RNLS: variants seen among roughly 807,000 people sequenced by gnomAD.
RNLS encodes the protein renalase, FAD dependent amine oxidase, also known as renalase.
Under a neutral mutation model 39.8 loss-of-function variants are expected in RNLS, and 39 were observed. The observed-to-expected ratio is 0.98, with a 90% confidence interval of 0.76 to 1.28. The LOEUF is 1.28. Ranked by LOEUF, RNLS falls within the 50% of genes most tolerant of loss-of-function variation. The pLI is 0.00. For missense variants in RNLS, 410 were observed against 413.3 expected (o/e 0.99, Z 0.07); for synonymous variants, 147 against 150.7 (o/e 0.98, Z 0.18).
intron 6 of RNLS, among the ~76,000 whole-genome samples, chr10:88,278,789 T>C (rs1842903711): frequency 6.6e-6 from 1 of 152,208 alleles, no homozygotes; most frequent in South Asian, 2.1e-4. Context: ...AAAGCAAATA[T>C]AGATACTATT....
chr10:88,290,760 T>A (rs1843615895), intron 6 of RNLS, among the ~76,000 whole-genome samples: 1 of 152,176 alleles, frequency 6.6e-6, no homozygotes, highest in African/African-American at 2.4e-5. Context: ...ATCCATGCAC[T>A]TCCTATGCAG....
At chr10:88,549,331 G>C (rs1848498812) in intron 4 of RNLS, among the ~76,000 whole-genome samples, 1 of 151,496 alleles carries the variant, frequency 6.6e-6, no homozygotes, top group Non-Finnish European at 1.5e-5. Context: ...AAGGAAGGGG[G>C]ATCACTTGAG....
At chr10:88,495,991 G>A (rs1033523598) in intron 4 of RNLS, among the ~76,000 whole-genome samples, 29 of 152,096 alleles carry the variant, frequency 1.9e-4, no homozygotes, top group Admixed American at 5.9e-4. Flanking sequence ...TGGGGATGCA[G>A]AAGACAAAAA....
At chr10:88,223,189 G>A in the RNLS span, among the ~76,000 whole-genome samples, 1 of 152,140 alleles carries the variant, frequency 6.6e-6, no homozygotes. Flanking sequence ...TTCTCTTCAG[G>A]AACATATTTC....
chr10:88,575,139 TATATATATATATATATATATACAC>T (rs1469187687), intron 3 of RNLS, among the ~76,000 whole-genome samples: 1 of 32,264 alleles, frequency 3.1e-5, no homozygotes, highest in Non-Finnish European at 4.7e-5. Context: ...TATATATATA[TATATATATATATATATATATACAC>T]ACACACACAC....
At chr10:88,413,799 T>C (rs150825316) in intron 4 of RNLS, among the ~76,000 whole-genome samples, 15 of 152,326 alleles carry the variant, frequency 9.8e-5, no homozygotes, top group Non-Finnish European at 2.1e-4. Flanking sequence ...GGATCTGCCC[T>C]ATTTTATTCT....
chr10:88,373,610 C>G (rs1011617317), intron 4 of RNLS, among the ~76,000 whole-genome samples: 1 of 151,998 alleles, frequency 6.6e-6, no homozygotes, highest in African/African-American at 2.4e-5. Flanking sequence ...TGCAAATTAG[C>G]TTTTATCTTC....
intron 3 of RNLS, among the ~76,000 whole-genome samples, chr10:88,575,337 T>C (rs1850139017): frequency 6.6e-6 from 1 of 151,040 alleles, no homozygotes; most frequent in Non-Finnish European, 1.5e-5. Context: ...CAGCAGCACC[T>C]ATGTACTAGA....
intron 4 of RNLS, among the ~76,000 whole-genome samples, chr10:88,570,013 A>G (rs902619317): frequency 6.6e-6 from 1 of 152,162 alleles, no homozygotes; most frequent in Non-Finnish European, 1.5e-5. Flanking sequence ...TCTTCTAAAC[A>G]TTTAGGAAAG....
At chr10:88,305,858 A>G (rs1246146085) in intron 6 of RNLS, among the ~76,000 whole-genome samples, 2 of 152,162 alleles carry the variant, frequency 1.3e-5, no homozygotes, top group African/African-American at 2.4e-5. Flanking sequence ...CTGTCCACCA[A>G]AAACAACAGA....
At chr10:88,306,731 A>G (rs942390822) in intron 6 of RNLS, among the ~76,000 whole-genome samples, 1 of 152,086 alleles carries the variant, frequency 6.6e-6, no homozygotes, top group Non-Finnish European at 1.5e-5. Context: ...CAGATTCACC[A>G]TTGAATTCTA....
chr10:88,412,737 TAAAAA>T (rs1853757824), intron 4 of RNLS, among the ~76,000 whole-genome samples: 1 of 152,112 alleles, frequency 6.6e-6, no homozygotes, highest in Admixed American at 6.6e-5. Context: ...TTAGCAATAA[TAAAAA>T]TAAAGTGATC....
intron 6 of RNLS, among the ~76,000 whole-genome samples, chr10:88,293,285 A>G (rs1437259440): frequency 6.6e-6 from 1 of 152,220 alleles, no homozygotes; most frequent in Non-Finnish European, 1.5e-5. Context: ...CTAAGATGGT[A>G]TGGAGCTGAT....
intron 4 of RNLS, among the ~76,000 whole-genome samples, chr10:88,394,958 C>T (rs1852459130): frequency 6.6e-6 from 1 of 152,012 alleles, no homozygotes; most frequent in African/African-American, 2.4e-5. Context: ...AAACCAAACA[C>T]CGCATGTTCT....
chr10:88,336,820 A>G (rs1847536432), intron 5 of RNLS, among the ~76,000 whole-genome samples: 1 of 152,186 alleles, frequency 6.6e-6, no homozygotes, highest in African/African-American at 2.4e-5. Context: ...TTGGGCAACT[A>G]GGGATAATTT....
the RNLS span, among the ~76,000 whole-genome samples, chr10:88,259,953 G>A: frequency 6.6e-6 from 1 of 152,118 alleles, no homozygotes; most frequent in Non-Finnish European, 1.5e-5. Context: ...TGTTGGCCAG[G>A]ATGGTCTCGA....
At chr10:88,401,834 G>C (rs906707553) in intron 4 of RNLS, among the ~76,000 whole-genome samples, 1 of 151,966 alleles carries the variant, frequency 6.6e-6, no homozygotes, top group Non-Finnish European at 1.5e-5. Context: ...TGAATTGGGA[G>C]GGTGTTTTGC....
At chr10:88,295,497 T>C (rs560635743) in intron 6 of RNLS, among the ~76,000 whole-genome samples, 2 of 152,284 alleles carry the variant, frequency 1.3e-5, no homozygotes, top group East Asian at 3.9e-4. Flanking sequence ...TTAACGGTGA[T>C]TTCATAAACC....
chr10:88,440,903 A>G (rs181201922), intron 4 of RNLS, among the ~76,000 whole-genome samples: 1 of 152,288 alleles, frequency 6.6e-6, no homozygotes, highest in East Asian at 1.9e-4. Flanking sequence ...TAAACAAACA[A>G]ATTCAGGTTC....
Sources: gnomAD v4.1 joint callset for allele counts (sites outside exome capture counted in the v4.1 genomes callset) on GRCh38, gnomAD v4.1.1 for gene constraint, MANE v1.5 for transcripts, NCBI Gene and HGNC (gene_info 2026-07-23, HGNC 2026-07-21) for gene names.